SCARA5: variants seen among roughly 807,000 people sequenced by gnomAD.
SCARA5 encodes the protein scavenger receptor class A member 5.
SCARA5 carries 45 observed loss-of-function variants against 46.3 expected under a neutral mutation model. The observed-to-expected ratio is 0.97, with a 90% CI of 0.76 to 1.24. The LOEUF (loss-of-function observed/expected upper bound fraction) is 1.24, where lower values mean the gene tolerates loss of function less well. Among genes scored for constraint, SCARA5 ranks in the 50% most tolerant of loss-of-function variants. The probability of loss-of-function intolerance (pLI) is 0.00; values close to 1 mark genes in which losing one functional copy is unlikely to be tolerated. For synonymous variants in SCARA5, 333 were observed against 306.5 expected (o/e 1.09, Z -0.90); for missense variants, 680 against 689.0 (o/e 0.99, Z 0.15).
chr8:27,943,871 C>A (rs1242352832), intron 3 of SCARA5, among the ~76,000 whole-genome samples: 2 of 152,178 alleles, frequency 1.3e-5, no homozygotes, highest in Non-Finnish European at 2.9e-5. Flanking sequence ...CAGAGTGTCT[C>A]CCCACAGATC....
intron 4 of SCARA5, among the ~76,000 whole-genome samples, chr8:27,917,871 T>C (rs1807487770): frequency 6.6e-6 from 1 of 152,176 alleles, no homozygotes; most frequent in Admixed American, 6.5e-5. Flanking sequence ...CAGGGGCATG[T>C]GTTTGGAAGA....
chr8:27,968,572 C>T (rs1808403372), intron 2 of SCARA5, among the ~76,000 whole-genome samples: 1 of 152,136 alleles, frequency 6.6e-6, no homozygotes, highest in African/African-American at 2.4e-5. Flanking sequence ...TTGCAACTTA[C>T]CAGAGAAAAC....
At chr8:27,939,295 A>G (rs530565751) in intron 3 of SCARA5, among the ~76,000 whole-genome samples, 1 of 152,236 alleles carries the variant, frequency 6.6e-6, no homozygotes, top group African/African-American at 2.4e-5. Context: ...ATATTGGGAC[A>G]TTAACTTGCA....
At chr8:27,888,122 T>C (rs2685380) in intron 7 of SCARA5, among the ~76,000 whole-genome samples, 15,910 of 152,102 alleles carry the variant, frequency 0.1, 1,037 homozygotes, top group East Asian at 0.23. Flanking sequence ...AGTGGCATGA[T>C]CTCGGCTCAC....
intron 7 of SCARA5, among the ~76,000 whole-genome samples, chr8:27,896,427 G>C (rs1807064726): frequency 6.6e-6 from 1 of 152,098 alleles, no homozygotes; most frequent in South Asian, 2.1e-4. Context: ...AATCCTCAAA[G>C]GTCAGGACTG....
intron 7 of SCARA5, among the ~76,000 whole-genome samples, chr8:27,891,310 A>G (rs1806978700): frequency 6.6e-6 from 1 of 151,112 alleles, no homozygotes; most frequent in Non-Finnish European, 1.5e-5. Context: ...AGTTCAAGTG[A>G]TTCTCCTGCC....
At chr8:27,968,444 G>A (rs1182664822) in intron 2 of SCARA5, among the ~76,000 whole-genome samples, 1 of 152,140 alleles carries the variant, frequency 6.6e-6, no homozygotes, top group African/African-American at 2.4e-5. Context: ...CCTTTTCTGG[G>A]ATTTTCCATC....
chr8:27,980,198 G>GGAAGAT (rs936253792), intron 2 of SCARA5, among the ~76,000 whole-genome samples: 2 of 152,162 alleles, frequency 1.3e-5, no homozygotes, highest in Non-Finnish European at 2.9e-5. Context: ...ATATTTTGCT[G>GGAAGAT]GAAGATGAAG....
intron 1 of SCARA5, among the ~76,000 whole-genome samples, chr8:27,988,654 C>T (rs1009827788): frequency 2.6e-5 from 4 of 152,114 alleles, no homozygotes; most frequent in African/African-American, 4.8e-5. Flanking sequence ...TTTTTTAAGC[C>T]AAATTACAAA....
intron 7 of SCARA5, among the ~76,000 whole-genome samples, chr8:27,897,577 A>C (rs1039943392): frequency 2.0e-5 from 3 of 152,242 alleles, no homozygotes; most frequent in Non-Finnish European, 2.9e-5. Flanking sequence ...AAGCCACTGC[A>C]TGTCTGCCAG....
In SCARA5 at chr8:27,896,934, G is replaced by A. The variant is rs548522431; in HGVS notation, c.1153+7844C>T. Among the ~76,000 whole-genome samples the A allele has an allele frequency of 5.7e-3, 866 of 152,098 alleles. 4 individuals are homozygous for A. The highest frequency in any genetic ancestry group is 0.019 in the African/African-American group (792 of 41,502). ...TGGTGAAACCCTGCCTCTACTAAAA[G>A]TACAAAAATTAGCTGGGTGTGGTGG... On this transcript the variant is annotated intron_variant, in intron 7 of 8. Coordinates refer to ENST00000354914, the MANE Select transcript of SCARA5 (RefSeq NM_173833.6).
At chr8:27,958,587 T>C (rs927709877) in intron 3 of SCARA5, among the ~76,000 whole-genome samples, 7 of 152,206 alleles carry the variant, frequency 4.6e-5, no homozygotes, top group Non-Finnish European at 8.8e-5. Context: ...TATAGGGACA[T>C]GGTTGGGACA....
chr8:27,889,886 G>T (rs369452131), intron 7 of SCARA5, among the ~76,000 whole-genome samples: 1 of 152,168 alleles, frequency 6.6e-6, no homozygotes, highest in African/African-American at 2.4e-5. Context: ...GAAGTCCGGG[G>T]TGATTCTACT....
chr8:27,881,232 A>G (rs981030024), intron 7 of SCARA5, among the ~76,000 whole-genome samples: 1 of 152,240 alleles, frequency 6.6e-6, no homozygotes, highest in Non-Finnish European at 1.5e-5. Context: ...TACCAAAAAG[A>G]CACATACACT....
At chr8:27,925,451 C>T (rs146718767) in intron 3 of SCARA5, among the ~76,000 whole-genome samples, 3,889 of 152,230 alleles carry the variant, frequency 0.026, 163 homozygotes, top group African/African-American at 0.088. Flanking sequence ...AAGGCTGAAA[C>T]GGGATCCCTT....
At chr8:27,903,408 A>G (rs1807193305) in intron 7 of SCARA5, 1 of 152,262 alleles carries the variant, frequency 6.6e-6, no homozygotes, top group African/African-American at 2.4e-5. Flanking sequence ...AAGTTTCATC[A>G]TATAGAAATG....
intron 6 of SCARA5, among the ~76,000 whole-genome samples, chr8:27,906,507 G>A (rs1159325047): frequency 8.5e-5 from 13 of 152,236 alleles, no homozygotes; most frequent in Non-Finnish European, 1.8e-4. Flanking sequence ...GAGGAGGGCT[G>A]TCCTGGGCCT....
chr8:27,926,460 T>TG (rs1004818924), intron 3 of SCARA5, among the ~76,000 whole-genome samples: 3 of 149,452 alleles, frequency 2.0e-5, no homozygotes, highest in Admixed American at 6.7e-5. Context: ...GGTGGGGGAC[T>TG]GGGGGAGGGA....
intron 2 of SCARA5, among the ~76,000 whole-genome samples, chr8:27,970,393 A>G (rs1402752795): frequency 6.6e-6 from 1 of 152,156 alleles, no homozygotes; most frequent in Admixed American, 6.5e-5. Flanking sequence ...TTCATAAGAC[A>G]CACCCACCCA....
Sources: gnomAD v4.1 joint callset for allele counts (sites outside exome capture counted in the v4.1 genomes callset) on GRCh38, gnomAD v4.1.1 for gene constraint, MANE v1.5 for transcripts, NCBI Gene and HGNC (gene_info 2026-07-23, HGNC 2026-07-21) for gene names.